UBE2E2: variants seen among roughly 807,000 people sequenced by gnomAD.
UBE2E2 encodes the protein ubiquitin-conjugating enzyme E2 E2.
UBE2E2 carries 6 observed loss-of-function variants against 24.7 expected under a neutral mutation model. That is an observed-to-expected ratio of 0.24 (90% CI 0.13 to 0.48). The LOEUF (loss-of-function observed/expected upper bound fraction) is 0.48. Among genes scored for constraint, UBE2E2 ranks in the 20% least tolerant of loss-of-function variants. UBE2E2 has a pLI of 0.99. For missense variants in UBE2E2, 169 were observed against 245.0 expected, an observed-to-expected ratio of 0.69 and a Z score of 2.07; for synonymous variants, 104 against 83.6, an observed-to-expected ratio of 1.24 and a Z score of -1.33.
intron 3 of UBE2E2, among the ~76,000 whole-genome samples, chr3:23,347,277 G>C (rs1015328216): frequency 5.3e-5 from 8 of 152,138 alleles, no homozygotes; most frequent in African/African-American, 1.9e-4. Context: ...GGCACTATTC[G>C]CAGTAGCAGA....
chr3:23,357,998 G>C (rs1037216052), intron 3 of UBE2E2, among the ~76,000 whole-genome samples: 1 of 152,056 alleles, frequency 6.6e-6, no homozygotes, highest in Non-Finnish European at 1.5e-5. Context: ...ACCATGCCTG[G>C]CTAATTTTTT....
At chr3:23,543,083 G>T (rs1427769547) in intron 5 of UBE2E2, among the ~76,000 whole-genome samples, 1 of 152,146 alleles carries the variant, frequency 6.6e-6, no homozygotes, top group African/African-American at 2.4e-5. Context: ...GGAGGCCAAG[G>T]CAGGAGGATC....
At chr3:23,262,298 A>G (rs1456861301) in intron 3 of UBE2E2, among the ~76,000 whole-genome samples, 1 of 152,100 alleles carries the variant, frequency 6.6e-6, no homozygotes, top group Admixed American at 6.5e-5. Flanking sequence ...TTTAAATTTT[A>G]GAAACAGAGT....
rs372817477 is a variant in UBE2E2, at chr3:23,540,593, C to T, written c.508+7892C>T. 2.0e-4 allele frequency among the ~76,000 whole-genome samples: 30 copies of T among 152,118 alleles called. No individual in the cohort carries two copies. The South Asian group carries it at 5.6e-3, about 28-fold the overall frequency. On this transcript the variant is annotated intron_variant, in intron 5 of 5. Transcript: ENST00000396703. ...CTAATTTTTGGATTTTTAGTAGAGA[C>T]GGGGTTTCACCATGTTGATCAGGCT...
intron 3 of UBE2E2, among the ~76,000 whole-genome samples, chr3:23,305,046 G>A (rs928617023): frequency 3.9e-5 from 6 of 152,096 alleles, no homozygotes; most frequent in Non-Finnish European, 5.9e-5. Flanking sequence ...TAACACCACC[G>A]ATCTTAGAAA....
intron 3 of UBE2E2, among the ~76,000 whole-genome samples, chr3:23,445,687 A>C (rs1698412715): frequency 6.6e-6 from 1 of 152,146 alleles, no homozygotes; most frequent in Non-Finnish European, 1.5e-5. Context: ...CTGTGAATGT[A>C]ATTTTTTCAT....
At chr3:23,409,758 C>G (rs181218307) in intron 3 of UBE2E2, among the ~76,000 whole-genome samples, 166 of 152,214 alleles carry the variant, frequency 1.1e-3, no homozygotes, top group African/African-American at 3.8e-3. Context: ...TCAATGGGTC[C>G]CTCAGAAAGC....
At chr3:23,355,388 CA>C (rs1398932294) in intron 3 of UBE2E2, among the ~76,000 whole-genome samples, 3 of 151,790 alleles carry the variant, frequency 2.0e-5, no homozygotes, top group African/African-American at 7.3e-5. Flanking sequence ...TAATGAAAGA[CA>C]AAAAAGAAGT....
chr3:23,461,932 C>T (rs1010509452), intron 3 of UBE2E2, among the ~76,000 whole-genome samples: 3 of 152,046 alleles, frequency 2.0e-5, no homozygotes, highest in Non-Finnish European at 4.4e-5. Context: ...TTTTCATGTA[C>T]TGTATAGGGT....
intron 5 of UBE2E2, among the ~76,000 whole-genome samples, chr3:23,543,146 G>A (rs80195623): frequency 0.029 from 4,398 of 152,070 alleles, 105 homozygotes; most frequent in East Asian, 0.13. Flanking sequence ...AGACCCTGTC[G>A]CTACAAAACA....
intron 4 of UBE2E2, among the ~76,000 whole-genome samples, chr3:23,518,328 A>T (rs1694788050): frequency 6.6e-6 from 1 of 152,244 alleles, no homozygotes; most frequent in Non-Finnish European, 1.5e-5. Context: ...AAAATTAGGC[A>T]TGGAAATTTA....
intron 3 of UBE2E2, among the ~76,000 whole-genome samples, chr3:23,298,040 T>A (rs1698960051): frequency 6.6e-6 from 1 of 151,906 alleles, no homozygotes. Flanking sequence ...TTTTATTCTC[T>A]TTGAAGCAAT....
chr3:23,523,825 A>ATTTT (rs5847238), intron 4 of UBE2E2, among the ~76,000 whole-genome samples: 1 of 148,060 alleles, frequency 6.8e-6, no homozygotes. Flanking sequence ...CAAAGAGGGG[A>ATTTT]TTTTTTTTTT....
At chr3:23,398,191 C>T (rs1200357275) in intron 3 of UBE2E2, among the ~76,000 whole-genome samples, 1 of 151,366 alleles carries the variant, frequency 6.6e-6, no homozygotes, top group Non-Finnish European at 1.5e-5. Flanking sequence ...TGGGCGCCTG[C>T]GATCCCAGCT....
chr3:23,307,045 C>T (rs1323534337), intron 3 of UBE2E2, among the ~76,000 whole-genome samples: 1 of 152,028 alleles, frequency 6.6e-6, no homozygotes, highest in Non-Finnish European at 1.5e-5. Flanking sequence ...AAGCAACAGA[C>T]AAGCTGATAT....
At chr3:23,331,537 G>T (rs900490007) in intron 3 of UBE2E2, among the ~76,000 whole-genome samples, 7 of 152,058 alleles carry the variant, frequency 4.6e-5, no homozygotes, top group Admixed American at 3.9e-4. Flanking sequence ...TTTCAGATAG[G>T]GTGATCAGAG....
intron 3 of UBE2E2, among the ~76,000 whole-genome samples, chr3:23,491,537 A>G (rs1699496011): frequency 6.6e-6 from 1 of 152,230 alleles, no homozygotes; most frequent in Non-Finnish European, 1.5e-5. Flanking sequence ...ATCTTATGCA[A>G]AAGCCAGGAG....
At chr3:23,293,787 A>C (rs1002602219) in intron 3 of UBE2E2, among the ~76,000 whole-genome samples, 1 of 152,000 alleles carries the variant, frequency 6.6e-6, no homozygotes, top group East Asian at 1.9e-4. Flanking sequence ...ATATACTTTC[A>C]TTTTTCTTAT....
intron 3 of UBE2E2, among the ~76,000 whole-genome samples, chr3:23,467,923 T>C (rs1206546591): frequency 6.6e-6 from 1 of 152,108 alleles, no homozygotes; most frequent in East Asian, 1.9e-4. Flanking sequence ...TGCTACAAAC[T>C]TTCAAACAAC....
Sources: gnomAD v4.1 joint callset for allele counts (sites outside exome capture counted in the v4.1 genomes callset) on GRCh38, gnomAD v4.1.1 for gene constraint, MANE v1.5 for transcripts, NCBI Gene and HGNC (gene_info 2026-07-23, HGNC 2026-07-21) for gene names.